The following SUCLA2 variants were observed in gnomAD, a reference collection of about 807,000 sequenced individuals.
SUCLA2 encodes the protein succinate-CoA ligase ADP-forming subunit beta, also known as succinate--CoA ligase [ADP-forming] subunit beta, mitochondrial.
Under a neutral mutation model 54.8 loss-of-function variants are expected in SUCLA2, and 30 were observed. The ratio of observed to expected loss-of-function variants is 0.55; its 90% CI spans 0.41 to 0.74. The LOEUF is 0.74. SUCLA2 is among the 30% of genes least tolerant of loss of function. The pLI, the probability that SUCLA2 is intolerant of heterozygous loss-of-function variation, is 0.00. For synonymous variants in SUCLA2, 172 were observed against 188.9 expected, an observed-to-expected ratio of 0.91 and a Z score of 0.74; for missense variants, 476 against 562.9, an observed-to-expected ratio of 0.85 and a Z score of 1.56.
At chr13:47,977,108 A>C (rs1032318409) in intron 4 of SUCLA2, among the ~76,000 whole-genome samples, 2 of 152,178 alleles carry the variant, frequency 1.3e-5, no homozygotes, top group Admixed American at 6.5e-5. Context: ...AACAAAAATC[A>C]GAAGTGAAAG....
chr13:47,956,012 T>A (rs1949817778), intron 6 of SUCLA2, among the ~76,000 whole-genome samples: 1 of 152,088 alleles, frequency 6.6e-6, no homozygotes, highest in Non-Finnish European at 1.5e-5. Flanking sequence ...GCTCCCAAAA[T>A]GCACAGTGTA....
At chr13:47,959,128 T>C (rs1949846038) in intron 6 of SUCLA2, among the ~76,000 whole-genome samples, 1 of 152,140 alleles carries the variant, frequency 6.6e-6, no homozygotes, top group South Asian at 2.1e-4. Flanking sequence ...TAAGATATAA[T>C]TCTGTTTAAA....
chr13:47,993,841 G>A lies in SUCLA2; in HGVS notation c.271+3002C>T, dbSNP rs926109417. On this transcript the variant is annotated intron_variant, in intron 2 of 10. Transcript: ENST00000646932. Reference sequence around the variant, plus strand: ...ACCTGAGGTCGGGAGTTTAAGACCAGCCTGATCAACATGGAGAAACCCTGT... The same window carrying A: ...ACCTGAGGTCGGGAGTTTAAGACCAACCTGATCAACATGGAGAAACCCTGT... 2.0e-5 allele frequency among the ~76,000 whole-genome samples: 3 copies of A among 152,056 alleles called. No individual in the cohort carries two copies. The East Asian group carries it at 5.8e-4, about 29-fold the overall frequency.
At chr13:47,965,512 CA>C (rs1566085310) in intron 6 of SUCLA2, 1 of 354,600 alleles carries the variant, frequency 2.8e-6, no homozygotes, top group African/African-American at 2.7e-5. Flanking sequence ...AAAAAACAAA[CA>C]AACAAAAAAA....
chr13:47,954,582 G>T, intron 6 of SUCLA2, 25 bp from the exon 7 acceptor site: 1 of 1,611,354 alleles, frequency 6.2e-7, no homozygotes, highest in South Asian at 1.1e-5. Context: ...AGAGAAAAAT[G>T]ACCTTAATTT....
chr13:47,998,489 G>T (rs1950206357), intron 1 of SUCLA2, among the ~76,000 whole-genome samples: 1 of 152,028 alleles, frequency 6.6e-6, no homozygotes, highest in South Asian at 2.1e-4. Flanking sequence ...ACAGAAAACA[G>T]AAATTAGCTG....
At position 48,001,063 on chromosome 13, in the gene SUCLA2, G is replaced by A. The variant is rs1195199244; in HGVS notation, c.90+117C>T. 9.2e-6 allele frequency: 14 copies of A among 1,522,696 alleles called. No individual in the cohort carries two copies. The South Asian group carries it at 1.1e-4, about 12-fold the overall frequency. 94.3% of individuals were successfully genotyped at this position (1,522,696 alleles called of 1,614,324 possible). A position where few individuals can be genotyped will look rare whatever the true frequency, so the allele number is the denominator to read the frequency against. ...AGGCAAGTCGCCCGAGGGCCTTGCAGGGCACCCAGAAAATGTCACTGCCGG... is the reference window on the plus strand; with the variant it reads ...AGGCAAGTCGCCCGAGGGCCTTGCAAGGCACCCAGAAAATGTCACTGCCGG... On this transcript the variant is annotated intron_variant, in intron 1 of 10. Transcript: ENST00000646932.
intron 4 of SUCLA2, among the ~76,000 whole-genome samples, chr13:47,980,142 C>G (rs1047636186): frequency 6.6e-6 from 1 of 152,118 alleles, no homozygotes; most frequent in African/African-American, 2.4e-5. Flanking sequence ...ACAGGCAGGG[C>G]GCGGTGGCTC....
At chr13:47,953,317 T>A (rs1299414454) in intron 8 of SUCLA2, among the ~76,000 whole-genome samples, 1 of 152,170 alleles carries the variant, frequency 6.6e-6, no homozygotes, top group Non-Finnish European at 1.5e-5. Flanking sequence ...ATTCTAGTAG[T>A]AAGTACTCAA....
At position 47,968,600 on chromosome 13, in the gene SUCLA2, C is replaced by A. The variant is rs1156991729; in HGVS notation, c.797G>T (p.Gly266Val). 1 of 1,611,468 alleles carries A rather than the reference C, an allele frequency of 6.2e-7. No individual in the cohort carries two copies. The highest frequency in any genetic ancestry group is 1.1e-5 in the South Asian group (1 of 90,970). Residue 266 changes from glycine to valine, a missense_variant, in exon 6 of 11, where the codon GGA (glycine) becomes GTA (valine). Coordinates refer to ENST00000646932, the MANE Select transcript of SUCLA2 (RefSeq NM_003850.3). ...EINPMVEDSD[G>V]AVLCMDAKIN... Reference sequence around the variant, plus strand: ...GACAAAAGAAGATACTTTACCAGCTCCATCTGAATCTTCCACCATTGGATT... The same window carrying A: ...GACAAAAGAAGATACTTTACCAGCTACATCTGAATCTTCCACCATTGGATT...
chr13:47,961,242 TTTTG>T, intron 6 of SUCLA2, among the ~76,000 whole-genome samples: 1 of 152,308 alleles, frequency 6.6e-6, no homozygotes, highest in Admixed American at 6.5e-5. Context: ...AGATAAAAGA[TTTTG>T]TTTGCCTTCT....
intron 1 of SUCLA2, among the ~76,000 whole-genome samples, 155 bp from the exon 2 acceptor site, chr13:47,997,178 G>C (rs1196597675): frequency 6.6e-6 from 1 of 152,140 alleles, no homozygotes; most frequent in Non-Finnish European, 1.5e-5. Context: ...CTAAAAGCTA[G>C]CCTATCAGCT....
At chr13:47,967,286 A>G (rs1275647141) in intron 6 of SUCLA2, among the ~76,000 whole-genome samples, 1 of 152,142 alleles carries the variant, frequency 6.6e-6, no homozygotes, top group African/African-American at 2.4e-5. Flanking sequence ...GTTTTACTAG[A>G]AAGCTTAAAA....
intron 4 of SUCLA2, among the ~76,000 whole-genome samples, chr13:47,979,580 T>A (rs1190020016): frequency 1.3e-5 from 2 of 152,122 alleles, no homozygotes; most frequent in African/African-American, 4.8e-5. Context: ...GGCACGTGTA[T>A]ACCTATGTAA....
At chr13:47,955,802 C>T (rs1187796206) in intron 6 of SUCLA2, among the ~76,000 whole-genome samples, 1 of 152,124 alleles carries the variant, frequency 6.6e-6, no homozygotes, top group Admixed American at 6.6e-5. Flanking sequence ...TTTCAGTACC[C>T]TACCCCTTCC....
intron 8 of SUCLA2, among the ~76,000 whole-genome samples, chr13:47,950,025 A>AAG (rs1949763889): frequency 6.6e-6 from 1 of 152,234 alleles, no homozygotes; most frequent in Non-Finnish European, 1.5e-5. Context: ...GTTGTGTGGC[A>AAG]AGAGTAACAC....
chr13:47,950,038 T>C (rs909489708), intron 8 of SUCLA2, among the ~76,000 whole-genome samples: 1 of 152,206 alleles, frequency 6.6e-6, no homozygotes, highest in Non-Finnish European at 1.5e-5. Flanking sequence ...AGTAACACCA[T>C]CCTGAAGCAA....
intron 5 of SUCLA2, 112 bp from the exon 6 acceptor site, chr13:47,968,845 T>C (rs939210498): frequency 6.6e-6 from 8 of 1,209,750 alleles, no homozygotes; most frequent in African/African-American, 4.6e-5. Flanking sequence ...GAGTCATTTA[T>C]AGTCAAACAT....
chr13:47,974,455 C>A (rs1469419922), intron 4 of SUCLA2, among the ~76,000 whole-genome samples: 1 of 152,090 alleles, frequency 6.6e-6, no homozygotes, highest in Non-Finnish European at 1.5e-5. Flanking sequence ...GGCATGGTGG[C>A]ATGCCCCTTT....
Sources: allele counts gnomAD v4.1 joint callset (sites outside exome capture counted in the v4.1 genomes callset), GRCh38; gene constraint gnomAD v4.1.1; transcripts MANE v1.5; gene names NCBI Gene and HGNC (gene_info 2026-07-23, HGNC 2026-07-21).